SP140: variants seen among roughly 807,000 people sequenced by gnomAD.
SP140 encodes nuclear body protein SP140.
In SP140, 81 loss-of-function variants were observed where a neutral mutation model predicts 125.0. That is an observed-to-expected ratio of 0.65 (90% CI 0.54 to 0.78). The LOEUF (loss-of-function observed/expected upper bound fraction) is 0.78. Ranked by LOEUF, SP140 falls within the 30% of genes least tolerant of loss-of-function variation. SP140 has a pLI of 0.00. For synonymous variants in SP140, 312 were observed against 354.0 expected, an observed-to-expected ratio of 0.88 and a Z score of 1.33; for missense variants, 858 against 1,037.0, an observed-to-expected ratio of 0.83 and a Z score of 2.37.
intron 1 of SP140, chr2:230,213,100 A>G: frequency 6.8e-7 from 1 of 1,470,376 alleles, no homozygotes; most frequent in East Asian, 2.3e-5. Flanking sequence ...ATTTCTTAAT[A>G]CATGCCTTCC....
chr2:230,204,769 T>C lies in SP140; in HGVS notation c.-323+1490T>C, dbSNP rs193005452. Among the ~76,000 whole-genome samples the C allele has an allele frequency of 8.3e-4, 127 of 152,300 alleles. 1 individual carries two copies. Among genetic ancestry groups the C allele is most frequent in the African/African-American group, 2.9e-3 (121 of 41,574 alleles). On this transcript the variant is annotated intron_variant, in intron 1 of 4. Coordinates refer to the SP140 transcript ENST00000456542. ...AATTATGGGACCAGCTTGGCTAATT[T>C]AGGGGTCAGAGTATGTATTCCTGAG...
chr2:230,229,048 A>G (rs919767000), intron 1 of SP140, among the ~76,000 whole-genome samples: 39 of 152,154 alleles, frequency 2.6e-4, no homozygotes, highest in African/African-American at 7.7e-4. Flanking sequence ...TATCAATTAT[A>G]CTTCCTTTAA....
At chr2:230,281,841 A>G (rs1226147759) in intron 15 of SP140, among the ~76,000 whole-genome samples, 2 of 152,148 alleles carry the variant, frequency 1.3e-5, no homozygotes, top group African/African-American at 2.4e-5. Flanking sequence ...AGTTTTTGCT[A>G]TTATGAAAAC....
intron 22 of SP140, among the ~76,000 whole-genome samples, chr2:230,298,525 A>G (rs2057977343): frequency 6.6e-6 from 1 of 152,164 alleles, no homozygotes; most frequent in African/African-American, 2.4e-5. Context: ...CTGATTTTGG[A>G]TGGACTAGGC....
At chr2:230,208,008 T>C in intron 1 of SP140, 1 of 1,561,272 alleles carries the variant, frequency 6.4e-7, no homozygotes, top group South Asian at 1.1e-5. Context: ...GAGGCTTTTT[T>C]TCTTATGTCT....
At position 230,312,781 on chromosome 2, in the gene SP140, A is replaced by G; in HGVS notation, c.*97A>G. The G allele has an allele frequency of 1.2e-6, 1 of 838,570 alleles. No individual in the cohort carries two copies. 51.9% of individuals were successfully genotyped at this position (838,570 alleles called of 1,614,324 possible). On this transcript the variant is annotated 3_prime_UTR_variant, in exon 27 of 27. Coordinates refer to ENST00000392045, the MANE Select transcript of SP140 (RefSeq NM_007237.5). ...CAAAATGAGGTCACTTGGGCACAGC[A>G]CATGCAGGGAGGGGCTTTTCTCTGA...
At chr2:230,309,006 C>T (rs561143765) in intron 22 of SP140, among the ~76,000 whole-genome samples, 1 of 152,298 alleles carries the variant, frequency 6.6e-6, no homozygotes, top group South Asian at 2.1e-4. Context: ...TCTATAAATT[C>T]TGTTGGTTTT....
rs753703526 is a variant in SP140, at chr2:230,269,526, C to T, written c.1241-6C>T. The T allele has an allele frequency of 1.3e-6, 2 of 1,576,512 alleles. No individual in the cohort carries two copies. Among genetic ancestry groups the T allele is most frequent in the Non-Finnish European group, 1.7e-6 (2 of 1,146,176 alleles). ...CTTGGACAATAATTTTCTTGTTTCT[C>T]ATTAGTGTCTAGTGAACTAGAAAAT... On this transcript the variant is annotated splice_region_variant and splice_polypyrimidine_tract_variant and intron_variant, in intron 12 of 26. Coordinates refer to ENST00000392045, the MANE Select transcript of SP140 (RefSeq NM_007237.5).
chr2:230,286,338 C>G (rs1179418367), intron 17 of SP140, among the ~76,000 whole-genome samples: 1 of 152,208 alleles, frequency 6.6e-6, no homozygotes, highest in Non-Finnish European at 1.5e-5. Context: ...TCAGCCTAGG[C>G]AAGCCTTAGT....
chr2:230,215,272 T>A (rs751249405), intron 3 of SP140, among the ~76,000 whole-genome samples: 1 of 152,206 alleles, frequency 6.6e-6, no homozygotes, highest in African/African-American at 2.4e-5. Context: ...GGTAGAGCGG[T>A]CACAGTTTTA....
At chr2:230,202,462 C>T, upstream of SP140, 2 of 935,882 alleles carry the variant, frequency 2.1e-6, no homozygotes, top group South Asian at 1.5e-5. Context: ...CATCCTCATT[C>T]TCTGTACTTT....
intron 15 of SP140, among the ~76,000 whole-genome samples, chr2:230,278,085 T>G (rs535175205): frequency 3.7e-4 from 57 of 152,168 alleles, no homozygotes; most frequent in Non-Finnish European, 6.9e-4. Flanking sequence ...CTGTACCAAT[T>G]TACATTCCCA....
chr2:230,196,829 G>C, the SP140 span, among the ~76,000 whole-genome samples: 1 of 152,140 alleles, frequency 6.6e-6, no homozygotes, highest in African/African-American at 2.4e-5. Flanking sequence ...TGCAGAGAAT[G>C]ATGGTTTCCA....
chr2:230,227,405 A>G (rs1238669256), intron 1 of SP140, among the ~76,000 whole-genome samples: 1 of 152,194 alleles, frequency 6.6e-6, no homozygotes, highest in African/African-American at 2.4e-5. Flanking sequence ...CAGGAAGAAG[A>G]CGGCACTGAG....
At chr2:230,280,320 G>T (rs2055355675) in intron 15 of SP140, among the ~76,000 whole-genome samples, 1 of 152,056 alleles carries the variant, frequency 6.6e-6, no homozygotes, top group Non-Finnish European at 1.5e-5. Context: ...TACTAACATT[G>T]TTACACAAAC....
intron 15 of SP140, among the ~76,000 whole-genome samples, chr2:230,280,497 T>C (rs1462259446): frequency 1.3e-5 from 2 of 152,196 alleles, no homozygotes; most frequent in Non-Finnish European, 2.9e-5. Flanking sequence ...AGTTTCCAGA[T>C]GTATACGGAC....
intron 22 of SP140, among the ~76,000 whole-genome samples, chr2:230,299,627 A>G (rs897791019): frequency 2.0e-5 from 3 of 152,226 alleles, no homozygotes; most frequent in Non-Finnish European, 4.4e-5. Flanking sequence ...AAGTACAGAT[A>G]TAAGTGCAGA....
At chr2:230,283,941 C>T (rs747353793) in intron 15 of SP140, among the ~76,000 whole-genome samples, 1 of 152,134 alleles carries the variant, frequency 6.6e-6, no homozygotes, top group Non-Finnish European at 1.5e-5. Context: ...TTCAGAATAT[C>T]TCCCAATTTC....
chr2:230,314,907 A>G (rs1354042423), downstream of SP140, among the ~76,000 whole-genome samples: 2 of 152,232 alleles, frequency 1.3e-5, no homozygotes, highest in East Asian at 1.9e-4. Flanking sequence ...GTAAAATGAA[A>G]GAGTTCCAGC....
Sources: gnomAD v4.1 joint callset for allele counts (sites outside exome capture counted in the v4.1 genomes callset) on GRCh38, gnomAD v4.1.1 for gene constraint, MANE v1.5 for transcripts, NCBI Gene and HGNC (gene_info 2026-07-23, HGNC 2026-07-21) for gene names.